Variants in FYB1 observed in about 807,000 individuals in gnomAD.
FYB1 encodes FYN binding protein 1.
FYB1 carries 41 observed loss-of-function variants against 94.1 expected under a neutral mutation model. The ratio of observed to expected loss-of-function variants is 0.44; its 90% CI spans 0.34 to 0.57. The LOEUF (loss-of-function observed/expected upper bound fraction) is 0.57. Ranked by LOEUF, FYB1 falls within the 20% of genes least tolerant of loss-of-function variation. The pLI, the probability that FYB1 is intolerant of heterozygous loss-of-function variation, is 0.02. For synonymous variants in FYB1, 367 were observed against 353.2 expected (o/e 1.04, Z -0.44); for missense variants, 1,050 against 976.8 (o/e 1.07, Z -1.00).
intron 1 of FYB1, among the ~76,000 whole-genome samples, chr5:39,206,289 C>T (rs1185324434): frequency 6.6e-6 from 1 of 152,152 alleles, no homozygotes; most frequent in Admixed American, 6.5e-5. Context: ...CTAATATTGG[C>T]TTCTTAGCTT....
At chr5:39,267,857 A>G (rs1752497510) in intron 1 of FYB1, among the ~76,000 whole-genome samples, 1 of 152,228 alleles carries the variant, frequency 6.6e-6, no homozygotes, top group Non-Finnish European at 1.5e-5. Context: ...GAATTCTGTC[A>G]ATGCAAAATA....
In FYB1 at chr5:39,140,504, C is replaced by T. The variant is rs956847687; in HGVS notation, c.1339+591G>A. ...GATGAGAGTGTAGATAGATGCATCT[C>T]TTCTGGAGAGCATGCCTGTCATACT... is the stretch of plus-strand genomic sequence containing the variant. On this transcript the variant is annotated intron_variant, in intron 4 of 18. Transcript: ENST00000512982. Among the ~76,000 whole-genome samples the T allele has an allele frequency of 1.4e-4, 22 of 152,182 alleles. 1 individual carries two copies. The Middle Eastern group carries it at 0.014, about 94-fold the overall frequency.
chr5:39,110,522 C>A, intron 16 of FYB1, 133 bp from the exon 17 acceptor site: 2 of 494,946 alleles, frequency 4.0e-6, no homozygotes, highest in Non-Finnish European at 3.6e-6. Context: ...TGGAAATGAC[C>A]CATTTTTCTT....
chr5:39,134,642 T>A (rs1258674803), intron 8 of FYB1, among the ~76,000 whole-genome samples: 5 of 152,198 alleles, frequency 3.3e-5, no homozygotes, highest in African/African-American at 1.2e-4. Context: ...TCGTTCCTCC[T>A]GGAATAATAT....
chr5:39,220,064 A>G (rs1389003437), upstream of FYB1, among the ~76,000 whole-genome samples: 3 of 152,124 alleles, frequency 2.0e-5, no homozygotes, highest in Admixed American at 1.3e-4. Flanking sequence ...CTGTTAGACT[A>G]TTCTTGAGGC....
intron 1 of FYB1, among the ~76,000 whole-genome samples, chr5:39,248,910 C>A (rs937792651): frequency 2.0e-5 from 3 of 152,190 alleles, no homozygotes; most frequent in Admixed American, 2.0e-4. Context: ...CAGTCTAGCA[C>A]AACACTGTCC....
At chr5:39,113,336 C>T (rs1399591754) in intron 16 of FYB1, among the ~76,000 whole-genome samples, 11 of 152,192 alleles carry the variant, frequency 7.2e-5, no homozygotes, top group East Asian at 5.8e-4. Flanking sequence ...CTATGTTTAG[C>T]GCTGTAATAT....
intron 7 of FYB1, chr5:39,137,380 C>A: frequency 5.3e-6 from 2 of 374,002 alleles, no homozygotes; most frequent in African/African-American, 2.2e-5. Flanking sequence ...CCTGGGTGTC[C>A]ACTAATTATG....
intron 1 of FYB1, among the ~76,000 whole-genome samples, chr5:39,209,482 C>T (rs536576660): frequency 3.9e-5 from 6 of 151,968 alleles, no homozygotes; most frequent in South Asian, 2.1e-4. Flanking sequence ...TGCACCACCA[C>T]GCCTGGCTAA....
intron 2 of FYB1, among the ~76,000 whole-genome samples, chr5:39,154,194 T>C (rs1476825212): frequency 6.6e-6 from 1 of 152,184 alleles, no homozygotes; most frequent in Non-Finnish European, 1.5e-5. Flanking sequence ...CAGCATACCG[T>C]TGCTGGTACC....
At chr5:39,216,033 TC>T (rs1435398809) in intron 1 of FYB1, among the ~76,000 whole-genome samples, 1 of 152,014 alleles carries the variant, frequency 6.6e-6, no homozygotes, top group African/African-American at 2.4e-5. Flanking sequence ...AGCCATGGAA[TC>T]CCTGGAACCA....
chr5:39,265,885 A>G (rs1414123329), intron 1 of FYB1, among the ~76,000 whole-genome samples: 1 of 152,118 alleles, frequency 6.6e-6, no homozygotes, highest in Non-Finnish European at 1.5e-5. Flanking sequence ...TGACAGTGCA[A>G]TTTGACTACA....
At chr5:39,133,848 A>G (rs988330855) in intron 9 of FYB1, among the ~76,000 whole-genome samples, 1 of 152,194 alleles carries the variant, frequency 6.6e-6, no homozygotes, top group Admixed American at 6.5e-5. Flanking sequence ...ATTTATGAGA[A>G]AAAATGGGCT....
chr5:39,121,828 T>G (rs1031553550), intron 14 of FYB1, among the ~76,000 whole-genome samples: 3 of 152,194 alleles, frequency 2.0e-5, no homozygotes, highest in Non-Finnish European at 4.4e-5. Flanking sequence ...AAATCTTTTT[T>G]TCTTTTTTTC....
chr5:39,186,196 C>T (rs1452153062), intron 2 of FYB1, among the ~76,000 whole-genome samples: 15 of 152,110 alleles, frequency 9.9e-5, no homozygotes, highest in Non-Finnish European at 4.4e-5. Context: ...GAGGCGAAGG[C>T]GGGAGGATCA....
intron 2 of FYB1, among the ~76,000 whole-genome samples, chr5:39,156,058 G>A (rs982997300): frequency 1.3e-5 from 2 of 152,106 alleles, no homozygotes; most frequent in Non-Finnish European, 2.9e-5. Context: ...TTAGCCATCT[G>A]TGACTTATCC....
chr5:39,166,040 A>C (rs547893111), intron 2 of FYB1, among the ~76,000 whole-genome samples: 2 of 152,346 alleles, frequency 1.3e-5, no homozygotes, highest in Admixed American at 1.3e-4. Flanking sequence ...AATGTATATA[A>C]ATTAGTACAG....
At chr5:39,195,945 A>G (rs2150476670) in intron 2 of FYB1, among the ~76,000 whole-genome samples, 1 of 109,554 alleles carries the variant, frequency 9.1e-6, no homozygotes, top group African/African-American at 3.2e-5. Flanking sequence ...AATTGTTCTT[A>G]GGAAAAAAAA....
intron 10 of FYB1, among the ~76,000 whole-genome samples, chr5:39,128,373 T>C (rs1740878954): frequency 6.6e-6 from 1 of 152,164 alleles, no homozygotes; most frequent in Non-Finnish European, 1.5e-5. Flanking sequence ...CAATTGTTTA[T>C]TGAGTAGTTT....
Sources: allele counts gnomAD v4.1 joint callset (sites outside exome capture counted in the v4.1 genomes callset), GRCh38; gene constraint gnomAD v4.1.1; transcripts MANE v1.5; gene names NCBI Gene and HGNC (gene_info 2026-07-23, HGNC 2026-07-21).